Variants in HECW2 observed in about 807,000 individuals in gnomAD.
The protein encoded by HECW2 is E3 ubiquitin-protein ligase HECW2.
In HECW2, 61 loss-of-function variants were observed where a neutral mutation model predicts 175.2. That is an observed-to-expected ratio of 0.35 (90% CI 0.28 to 0.43). The LOEUF is 0.43. HECW2 is among the 20% of genes least tolerant of loss of function. The probability of loss-of-function intolerance (pLI) is 1.00; values close to 1 mark genes in which losing one functional copy is unlikely to be tolerated. For missense variants in HECW2, 1,524 were observed against 2,000.5 expected (o/e 0.76, Z 4.54); for synonymous variants, 671 against 731.0 (o/e 0.92, Z 1.32).
intron 1 of HECW2, among the ~76,000 whole-genome samples, chr2:196,582,388 G>A (rs1037051157): frequency 1.3e-5 from 2 of 152,168 alleles, no homozygotes; most frequent in Non-Finnish European, 2.9e-5. Flanking sequence ...TGCAGTGTGT[G>A]ATCCTAGCTT....
At chr2:196,202,834 A>G (rs1386354012) in intron 28 of HECW2, among the ~76,000 whole-genome samples, 1 of 152,222 alleles carries the variant, frequency 6.6e-6, no homozygotes, top group African/African-American at 2.4e-5. Flanking sequence ...TTTGGATTTC[A>G]GATTTCTTTG....
chr2:196,467,123 AG>A (rs1450355677), intron 1 of HECW2, among the ~76,000 whole-genome samples: 1 of 152,222 alleles, frequency 6.6e-6, no homozygotes, highest in Admixed American at 6.5e-5. Flanking sequence ...GAAATGGTTT[AG>A]GATAAATTTC....
At chr2:196,424,713 C>T (rs1185647097) in intron 2 of HECW2, among the ~76,000 whole-genome samples, 1 of 152,068 alleles carries the variant, frequency 6.6e-6, no homozygotes, top group Non-Finnish European at 1.5e-5. Context: ...AAGGAAGCTG[C>T]AGAAGAAAAG....
rs143129653 is a variant in HECW2, at chr2:196,498,797, C to T, written c.-35-65339G>A. Among the ~76,000 whole-genome samples the T allele has an allele frequency of 4.1e-4, 63 of 152,248 alleles. 2 individuals are homozygous for T. The East Asian group carries it at 9.9e-3, about 24-fold the overall frequency. On this transcript the variant is annotated intron_variant, in intron 1 of 28. Transcript: ENST00000644978. The stretch of plus-strand genomic sequence containing the variant: ...TGCTTACTAACAGGAGTCACATGGC[C>T]GGTGGTCACAAGATTTATAACTTCC...
In HECW2 at chr2:196,198,861, G is replaced by A. The variant is rs184288850; in HGVS notation, c.*2416C>T. The A allele has an allele frequency of 1.1e-3, 170 of 152,218 alleles. No homozygotes were observed. The highest frequency in any genetic ancestry group is 4.0e-3 in the African/African-American group (168 of 41,540). 9.4% of individuals were successfully genotyped at this position (152,218 alleles called of 1,614,324 possible). A position where few individuals can be genotyped will look rare whatever the true frequency, so the allele number is the denominator to read the frequency against. Reference sequence around the variant, plus strand: ...TTAGCATGGTGTTCTGATATGATAAGTACATCTTTGATAATTCCCAATCTG... The same window carrying A: ...TTAGCATGGTGTTCTGATATGATAAATACATCTTTGATAATTCCCAATCTG... On this transcript the variant is annotated 3_prime_UTR_variant, in exon 29 of 29. Coordinates refer to ENST00000644978, the MANE Select transcript of HECW2 (RefSeq NM_001348768.2).
intron 1 of HECW2, among the ~76,000 whole-genome samples, chr2:196,434,758 G>A (rs1165559417): frequency 6.6e-6 from 1 of 152,090 alleles, no homozygotes; most frequent in Non-Finnish European, 1.5e-5. Context: ...TTTCATCTCA[G>A]GGCAAACCCT....
intron 1 of HECW2, among the ~76,000 whole-genome samples, chr2:196,491,438 C>A (rs1368357425): frequency 1.4e-5 from 2 of 144,436 alleles, no homozygotes; most frequent in Non-Finnish European, 3.0e-5. Flanking sequence ...TGTATATACA[C>A]ACATATATAC....
chr2:196,448,368 A>T (rs905464201), intron 1 of HECW2, among the ~76,000 whole-genome samples: 1 of 152,164 alleles, frequency 6.6e-6, no homozygotes, highest in African/African-American at 2.4e-5. Context: ...ACAGGCACCA[A>T]GCTAGTGGAT....
At chr2:196,221,195 A>T (rs1687655686) in intron 24 of HECW2, among the ~76,000 whole-genome samples, 1 of 152,194 alleles carries the variant, frequency 6.6e-6, no homozygotes, top group Non-Finnish European at 1.5e-5. Context: ...TTAAGTTTTA[A>T]AATGCCGATG....
chr2:196,569,967 T>C (rs1222463662), intron 1 of HECW2, among the ~76,000 whole-genome samples: 1 of 152,224 alleles, frequency 6.6e-6, no homozygotes, highest in Non-Finnish European at 1.5e-5. Context: ...TTCAAGCCTA[T>C]AATGCGCTAT....
chr2:196,463,315 T>C (rs1448454454), intron 1 of HECW2, among the ~76,000 whole-genome samples: 2 of 150,110 alleles, frequency 1.3e-5, no homozygotes, highest in Non-Finnish European at 2.9e-5. Context: ...CCTCAGTGCC[T>C]AGAATGTTTG....
At chr2:196,201,901 C>T (rs1275474114) in intron 28 of HECW2, among the ~76,000 whole-genome samples, 1 of 152,104 alleles carries the variant, frequency 6.6e-6, no homozygotes, top group African/African-American at 2.4e-5. Context: ...TGGGAAATTC[C>T]CTGGCTGGAC....
intron 1 of HECW2, among the ~76,000 whole-genome samples, chr2:196,572,741 ATC>A (rs1690430640): frequency 6.6e-6 from 1 of 152,110 alleles, no homozygotes; most frequent in African/African-American, 2.4e-5. Flanking sequence ...TGCGATTAGT[ATC>A]CTTATAAGAA....
In HECW2 at chr2:196,307,181, T is replaced by C; in HGVS notation, c.2638A>G (p.Asn880Asp). The change falls in exon 12 of 29, where the codon AAT (asparagine) becomes GAT (aspartate). Residue 880 changes from asparagine to aspartate, a missense_variant. Physicochemically the swap from Asn to Asp is conservative, Grantham distance 23 (BLOSUM62 1). Coordinates refer to ENST00000644978, the MANE Select transcript of HECW2 (RefSeq NM_001348768.2). ...MTNERPEENT[N>D]AIDGAGEEAD... is the part of the protein sequence containing the mutation. ...TCCTCCCCTGCCCCATCAATAGCAT[T>C]GGTATTTTCCTCAGGCCTCTCATTG... 6.2e-7 allele frequency: 1 copy of C among 1,614,082 alleles called. No individual in the cohort carries two copies. The highest frequency in any genetic ancestry group is 8.5e-7 in the Non-Finnish European group (1 of 1,179,924).
chr2:196,365,269 A>T (rs1432677573), intron 2 of HECW2, among the ~76,000 whole-genome samples: 1 of 152,224 alleles, frequency 6.6e-6, no homozygotes, highest in Non-Finnish European at 1.5e-5. Flanking sequence ...GCAATGGAAA[A>T]ATTCAGCAGT....
intron 27 of HECW2, among the ~76,000 whole-genome samples, chr2:196,216,574 T>C (rs1185144343): frequency 6.6e-6 from 1 of 151,410 alleles, no homozygotes; most frequent in South Asian, 2.1e-4. Context: ...TGTTCTTGAA[T>C]GTCACTGTTT....
At chr2:196,339,190 T>C (rs1262106696) in intron 3 of HECW2, among the ~76,000 whole-genome samples, 2 of 152,040 alleles carry the variant, frequency 1.3e-5, no homozygotes, top group East Asian at 1.9e-4. Context: ...GACTTAGGAA[T>C]GGTGAAAGTT....
At chr2:196,532,073 T>C (rs1688857128) in intron 1 of HECW2, among the ~76,000 whole-genome samples, 1 of 152,256 alleles carries the variant, frequency 6.6e-6, no homozygotes, top group African/African-American at 2.4e-5. Context: ...AGTGTGGCGA[T>C]TCCTCAAGGA....
intron 2 of HECW2, among the ~76,000 whole-genome samples, chr2:196,416,373 T>G (rs1256329374): frequency 6.6e-6 from 1 of 152,220 alleles, no homozygotes; most frequent in Non-Finnish European, 1.5e-5. Flanking sequence ...TTCTATGTAT[T>G]TGATCATAAA....
Sources: allele counts gnomAD v4.1 joint callset (sites outside exome capture counted in the v4.1 genomes callset), GRCh38; gene constraint gnomAD v4.1.1; transcripts MANE v1.5; gene names NCBI Gene and HGNC (gene_info 2026-07-23, HGNC 2026-07-21).